Variants in HKDC1 observed in about 807,000 individuals in gnomAD.
HKDC1 encodes the protein hexokinase HKDC1.
In HKDC1, 66 loss-of-function variants were observed where a neutral mutation model predicts 96.6. The ratio of observed to expected loss-of-function variants is 0.68; its 90% CI spans 0.56 to 0.84. The LOEUF (loss-of-function observed/expected upper bound fraction) is 0.84, where lower values mean the gene tolerates loss of function less well. Ranked by LOEUF, HKDC1 falls within the 40% of genes least tolerant of loss-of-function variation. The probability of loss-of-function intolerance (pLI) is 0.00; values close to 1 mark genes in which losing one functional copy is unlikely to be tolerated. For missense variants in HKDC1, 1,211 were observed against 1,208.1 expected (o/e 1.00, Z -0.04); for synonymous variants, 466 against 473.1 (o/e 0.98, Z 0.20).
chr10:69,260,908 A>C (rs1003197946), intron 15 of HKDC1, among the ~76,000 whole-genome samples: 2 of 152,214 alleles, frequency 1.3e-5, no homozygotes, highest in African/African-American at 4.8e-5. Context: ...AATTTTGCTT[A>C]GTGCCCACTG....
At position 69,266,660 on chromosome 10, in the gene HKDC1, A is replaced by G. The variant is rs1843904318; in HGVS notation, c.2657A>G (p.Asp886Gly). 6.2e-7 allele frequency: 1 copy of G among 1,614,008 alleles called. No individual in the cohort carries two copies. The highest frequency in any genetic ancestry group is 8.5e-7 in the Non-Finnish European group (1 of 1,179,994). The part of the protein sequence containing the change: ...ETVKELAPRC[D>G]VTFMLSEDGS... ...GTGAAGGAACTAGCCCCTCGATGTGATGTGACATTCATGCTGTCAGAAGAT... is the reference window on the plus strand; with the variant it reads ...GTGAAGGAACTAGCCCCTCGATGTGGTGTGACATTCATGCTGTCAGAAGAT... The change falls in exon 18 of 18, where the codon GAT (aspartate) becomes GGT (glycine). Residue 886 changes from aspartate to glycine, a missense_variant. Coordinates refer to ENST00000354624, the MANE Select transcript of HKDC1 (RefSeq NM_025130.4).
intron 4 of HKDC1, among the ~76,000 whole-genome samples, chr10:69,236,721 A>C (rs950160300): frequency 1.1e-4 from 16 of 151,828 alleles, no homozygotes; most frequent in African/African-American, 3.6e-4. Context: ...CGGAGGTTGC[A>C]GTGAGCTGAG....
chr10:69,257,101 C>G lies in HKDC1; in HGVS notation c.1902C>G (p.Asp634Glu). The change falls in exon 13 of 18, where the codon GAC (aspartate) becomes GAG (glutamate). Residue 634 changes from aspartate to glutamate, a missense_variant. Physicochemically the swap from Asp to Glu is conservative, Grantham distance 45 (BLOSUM62 2). Transcript: ENST00000354624. ...ATDCEGEDVV[D>E]MLREAIKRRN... ...ACTGTGAAGGGGAGGACGTGGTGGA[C>G]ATGCTCAGGGAAGCCATCAAGAGGA... is the stretch of plus-strand genomic sequence containing the variant. The G allele has an allele frequency of 6.2e-7, 1 of 1,614,060 alleles. No individual in the cohort carries two copies. Among genetic ancestry groups the G allele is most frequent in the South Asian group, 1.1e-5 (1 of 91,066 alleles).
rs1365096708 is a variant in HKDC1, at chr10:69,257,387, G to T, written c.1993G>T (p.Gly665Cys). 6.2e-7 allele frequency: 1 copy of T among 1,614,062 alleles called. No homozygotes were observed. Among genetic ancestry groups the T allele is most frequent in the South Asian group, 1.1e-5 (1 of 91,078 alleles). The change falls in exon 14 of 18, where the codon GGC (glycine) becomes TGC (cysteine). Residue 665 changes from glycine (G) to cysteine (C), a missense_variant. Transcript: ENST00000354624. ...TACAGTGGGGACCATGATGACCTGT[G>T]GCTATGAAGATCCTAATTGTGAGAT... ...NDTVGTMMTC[G>C]YEDPNCEIGL...
At chr10:69,228,827 C>T (rs1843202008) in intron 2 of HKDC1, among the ~76,000 whole-genome samples, 1 of 151,310 alleles carries the variant, frequency 6.6e-6, no homozygotes, top group South Asian at 2.1e-4. Flanking sequence ...GATTGCGCCA[C>T]TGCACTCCAG....
chr10:69,246,004 T>G, intron 7 of HKDC1, 75 bp from the exon 8 acceptor site: 1 of 1,565,256 alleles, frequency 6.4e-7, no homozygotes. Context: ...CTGTGGGCAG[T>G]GGCTCCTGGT....
At chr10:69,261,402 G>T in intron 16 of HKDC1, 108 bp downstream of exon 16, 1 of 1,050,862 alleles carries the variant, frequency 9.5e-7, no homozygotes. Flanking sequence ...GGCCCTGGCT[G>T]GGTAAGGGAT....
At chr10:69,254,220 G>A (rs116913403) in intron 12 of HKDC1, among the ~76,000 whole-genome samples, 2,999 of 152,230 alleles carry the variant, frequency 0.02, 47 homozygotes, top group Middle Eastern at 0.041. Flanking sequence ...CAGGAGAATC[G>A]CTAGAACTCA....
At chr10:69,239,218 AG>A (rs573641484) in intron 5 of HKDC1, 81 bp downstream of exon 5, 39 of 974,064 alleles carry the variant, frequency 4.0e-5, no homozygotes, top group East Asian at 1.2e-4. Flanking sequence ...GGGTGAGGTG[AG>A]GGGGTCACAT....
chr10:69,233,765 C>G (rs147473001), intron 4 of HKDC1, among the ~76,000 whole-genome samples: 3 of 151,848 alleles, frequency 2.0e-5, no homozygotes, highest in Admixed American at 6.6e-5. Flanking sequence ...GGGTGTGGTG[C>G]CGGGCGCCTG....
chr10:69,252,385 C>T (rs779467563), intron 12 of HKDC1, among the ~76,000 whole-genome samples: 11 of 151,934 alleles, frequency 7.2e-5, no homozygotes, highest in Non-Finnish European at 1.5e-4. Context: ...GTGGCTCATG[C>T]CTATAATCCT....
chr10:69,240,235 C>T (rs2132349196), intron 5 of HKDC1, among the ~76,000 whole-genome samples: 1 of 152,220 alleles, frequency 6.6e-6, no homozygotes, highest in South Asian at 2.1e-4. Context: ...CACGTGAGCC[C>T]AGGAGTTTGA....
chr10:69,237,080 G>A (rs1241612047), intron 4 of HKDC1, among the ~76,000 whole-genome samples: 3 of 152,148 alleles, frequency 2.0e-5, no homozygotes, highest in African/African-American at 7.2e-5. Context: ...GGGATGGAAA[G>A]GGGAAGGCTG....
chr10:69,231,675 T>C (rs192398059), intron 2 of HKDC1, among the ~76,000 whole-genome samples: 12 of 152,268 alleles, frequency 7.9e-5, no homozygotes, highest in African/African-American at 2.9e-4. Flanking sequence ...GTATTTCGGA[T>C]CAATTTCCCA....
Position 69,256,421 on chromosome 10 carries a change from T to A in HKDC1, c.1837-615T>A, listed in dbSNP as rs531263237. Among the ~76,000 whole-genome samples, 3 of 152,336 alleles carry A rather than the reference T, an allele frequency of 2.0e-5. No individual in the cohort carries two copies. In the South Asian group the frequency reaches 6.2e-4, roughly 32 times the overall value. On this transcript the variant is annotated intron_variant, in intron 12 of 17. Transcript: ENST00000354624. ...GTCCTTGACTAAGTTAGAAGTAGGATCATGGCCAGATGTGGTGACTCATGC... is the reference window on the plus strand; with the variant it reads ...GTCCTTGACTAAGTTAGAAGTAGGAACATGGCCAGATGTGGTGACTCATGC...
intron 12 of HKDC1, among the ~76,000 whole-genome samples, chr10:69,253,654 G>A (rs754553149): frequency 6.6e-6 from 1 of 152,210 alleles, no homozygotes; most frequent in Non-Finnish European, 1.5e-5. Context: ...CACCTGGCAG[G>A]CACTCAAATC....
At chr10:69,238,472 GT>G (rs35796674) in intron 4 of HKDC1, among the ~76,000 whole-genome samples, 23,694 of 62,594 alleles carry the variant, frequency 0.38, 9,254 homozygotes, top group East Asian at 0.84. Context: ...CGCTTCCCGG[GT>G]TCACGCCATT....
Position 69,240,762 on chromosome 10 carries a change from T to C in HKDC1, c.691+11T>C, listed in dbSNP as rs772740519. 1.1e-5 allele frequency: 17 copies of C among 1,607,490 alleles called. No homozygotes were observed. In the South Asian group the frequency reaches 1.8e-4, roughly 17 times the overall value. On this transcript the variant is annotated intron_variant, in intron 6 of 17. Coordinates refer to ENST00000354624, the MANE Select transcript of HKDC1 (RefSeq NM_025130.4). The stretch of plus-strand genomic sequence containing the variant: ...TTGGTGTCATCATCGGTAACTCAAT[T>C]GGACTGGTTTTTTGAGGGTAGGGGA...
In HKDC1 at chr10:69,250,349, A is replaced by G; in HGVS notation, c.1630A>G (p.Lys544Glu). 1 of 1,614,064 alleles carries G rather than the reference A, an allele frequency of 6.2e-7. No individual in the cohort carries two copies. Among genetic ancestry groups the G allele is most frequent in the Non-Finnish European group, 8.5e-7 (1 of 1,179,976 alleles). Residue 544 changes from lysine (K) to glutamate (E), a missense_variant, in exon 11 of 18, where the codon AAG (lysine) becomes GAG (glutamate). Physicochemically the swap from Lys to Glu is moderately conservative, Grantham distance 56 (BLOSUM62 1). Coordinates refer to ENST00000354624, the MANE Select transcript of HKDC1 (RefSeq NM_025130.4). ...GGTNFRVLLV[K>E]IRSGRRSVRM... ...AACCAACTTCCGGGTCCTCCTGGTG[A>G]AGATCAGAAGTGGACGGAGGTCAGT...
Sources: allele counts gnomAD v4.1 joint callset (sites outside exome capture counted in the v4.1 genomes callset), GRCh38; gene constraint gnomAD v4.1.1; transcripts MANE v1.5; gene names NCBI Gene and HGNC (gene_info 2026-07-23, HGNC 2026-07-21).